Variants in OR1J2 observed in about 807,000 individuals in gnomAD.
OR1J2 encodes the protein olfactory receptor 1J2.
For synonymous variants in OR1J2, 142 were observed against 99.7 expected, an observed-to-expected ratio of 1.42 and a Z score of -2.52; for missense variants, 304 against 246.1, an observed-to-expected ratio of 1.24 and a Z score of -1.57.
the OR1J2 span, chr9:122,554,032 A>T: frequency 3.1e-6 from 5 of 1,613,788 alleles, no homozygotes; most frequent in Non-Finnish European, 4.2e-6. Flanking sequence ...ACAGAGAGGG[A>T]AAGTAGGGCT....
the OR1J2 span, among the ~76,000 whole-genome samples, chr9:122,536,384 T>G: frequency 1.3e-5 from 2 of 152,290 alleles, no homozygotes; most frequent in South Asian, 4.1e-4. Flanking sequence ...ACTAAACTCA[T>G]GCATCTAATT....
the OR1J2 span, among the ~76,000 whole-genome samples, chr9:122,462,607 G>C: frequency 3.3e-4 from 51 of 152,316 alleles, no homozygotes; most frequent in Non-Finnish European, 1.5e-5. Context: ...TTCTTGTAGT[G>C]TTGGCTTGGT....
chr9:122,485,597 G>A, the OR1J2 span, among the ~76,000 whole-genome samples: 16 of 152,208 alleles, frequency 1.1e-4, no homozygotes, highest in Admixed American at 7.9e-4. Flanking sequence ...AAGAGAAAAA[G>A]GGCTTTAAGT....
chr9:122,490,034 C>T, the OR1J2 span, among the ~76,000 whole-genome samples: 1 of 152,228 alleles, frequency 6.6e-6, no homozygotes, highest in Admixed American at 6.5e-5. Flanking sequence ...GATTTTGCAA[C>T]ACAACAGTGC....
At chr9:122,539,355 A>C in the OR1J2 span, among the ~76,000 whole-genome samples, 1 of 152,048 alleles carries the variant, frequency 6.6e-6, no homozygotes, top group South Asian at 2.1e-4. Flanking sequence ...ATGAGTGAGA[A>C]CATGCGGTGT....
At chr9:122,469,050 G>A in the OR1J2 span, among the ~76,000 whole-genome samples, 329 of 152,322 alleles carry the variant, frequency 2.2e-3, 1 homozygote, top group African/African-American at 7.5e-3. Context: ...TGCAGGCTGT[G>A]CAGTCGTGAC....
chr9:122,491,499 C>T, the OR1J2 span, among the ~76,000 whole-genome samples: 2 of 151,882 alleles, frequency 1.3e-5, no homozygotes, highest in African/African-American at 4.8e-5. Context: ...TGAGGACAGA[C>T]CACAGGGAAC....
the OR1J2 span, among the ~76,000 whole-genome samples, chr9:122,539,868 A>T: frequency 2.0e-5 from 3 of 152,140 alleles, no homozygotes; most frequent in South Asian, 6.2e-4. Flanking sequence ...ATGGCCAGTG[A>T]TGATGAGCAT....
chr9:122,575,683 A>T, the OR1J2 span, among the ~76,000 whole-genome samples: 3 of 152,212 alleles, frequency 2.0e-5, no homozygotes, highest in Non-Finnish European at 2.9e-5. Flanking sequence ...TATGAGATAC[A>T]TATAGAGAGT....
upstream of OR1J2, among the ~76,000 whole-genome samples, chr9:122,509,281 C>T (rs1262857658): frequency 6.6e-6 from 1 of 152,152 alleles, no homozygotes; most frequent in East Asian, 1.9e-4. Context: ...TTTAAGATGA[C>T]AGGAGTACCC....
chr9:122,488,202 A>G, the OR1J2 span, among the ~76,000 whole-genome samples: 4 of 152,200 alleles, frequency 2.6e-5, no homozygotes, highest in East Asian at 7.7e-4. Context: ...CAGTGGCATG[A>G]TCTCAGCTCA....
chr9:122,554,898 C>G, the OR1J2 span, among the ~76,000 whole-genome samples: 1 of 152,126 alleles, frequency 6.6e-6, no homozygotes, highest in Non-Finnish European at 1.5e-5. Context: ...TCTCTGAATT[C>G]TTTCATAAAA....
the OR1J2 span, among the ~76,000 whole-genome samples, chr9:122,534,538 G>T: frequency 0.085 from 12,881 of 152,184 alleles, 711 homozygotes; most frequent in East Asian, 0.27. Context: ...CTGGGCAGGT[G>T]GGGGAGGGCT....
At chr9:122,485,055 A>G in the OR1J2 span, among the ~76,000 whole-genome samples, 1 of 152,074 alleles carries the variant, frequency 6.6e-6, no homozygotes, top group African/African-American at 2.4e-5. Context: ...CAGTGTGCAG[A>G]AGCCCCACCA....
At chr9:122,552,749 A>AGAGTGTGT in the OR1J2 span, among the ~76,000 whole-genome samples, 6 of 129,758 alleles carry the variant, frequency 4.6e-5, no homozygotes, top group South Asian at 1.1e-3. Flanking sequence ...AGAGGGCTTG[A>AGAGTGTGT]GTGTGTGTGT....
At chr9:122,505,615 G>T in the OR1J2 span, among the ~76,000 whole-genome samples, 1 of 152,030 alleles carries the variant, frequency 6.6e-6, no homozygotes, top group East Asian at 1.9e-4. Context: ...TATGAAAAAG[G>T]CCAAAATAAA....
chr9:122,558,311 C>CTTTTTTTTT, the OR1J2 span, among the ~76,000 whole-genome samples: 9 of 34,472 alleles, frequency 2.6e-4, 2 homozygotes, highest in East Asian at 2.7e-3. Context: ...TTGGATTTTG[C>CTTTTTTTTT]TTTTTTTTTT....
At chr9:122,500,821 GT>G in the OR1J2 span, among the ~76,000 whole-genome samples, 1 of 152,092 alleles carries the variant, frequency 6.6e-6, no homozygotes, top group Non-Finnish European at 1.5e-5. Context: ...AGTTTCTACA[GT>G]TTTGCTCAAT....
the OR1J2 span, among the ~76,000 whole-genome samples, chr9:122,474,770 C>T: frequency 6.6e-6 from 1 of 152,206 alleles, no homozygotes; most frequent in Non-Finnish European, 1.5e-5. Flanking sequence ...CAAGGTTTAT[C>T]ACTAGACATT....
Sources: allele counts gnomAD v4.1 joint callset (sites outside exome capture counted in the v4.1 genomes callset), GRCh38; gene constraint gnomAD v4.1.1; transcripts MANE v1.5; gene names NCBI Gene and HGNC (gene_info 2026-07-23, HGNC 2026-07-21).